The following UNKL variants were observed in gnomAD, a reference collection of about 807,000 sequenced individuals.
UNKL encodes the protein unk like zinc finger.
In UNKL, 60 loss-of-function variants were observed where a neutral mutation model predicts 78.0. The ratio of observed to expected loss-of-function variants is 0.77; its 90% CI spans 0.63 to 0.95. UNKL has a LOEUF of 0.95. Ranked by LOEUF, UNKL falls within the 40% of genes least tolerant of loss-of-function variation. The pLI is 0.00. For synonymous variants in UNKL, 608 were observed against 474.8 expected, an observed-to-expected ratio of 1.28 and a Z score of -3.65; for missense variants, 1,159 against 1,045.7, an observed-to-expected ratio of 1.11 and a Z score of -1.49.
intron 8 of UNKL, 91 bp from the exon 9 acceptor site, chr16:1,390,785 T>C: frequency 7.2e-7 from 1 of 1,392,582 alleles, no homozygotes; most frequent in Middle Eastern, 1.8e-4. Flanking sequence ...GTGGCAGCAC[T>C]TTGGGAGGCT....
Position 1,379,629 on chromosome 16 carries a change from C to A in UNKL, c.1264+5579G>T, listed in dbSNP as rs887229832. 6.1e-6 allele frequency: 6 copies of A among 984,762 alleles called. No homozygotes were observed. The South Asian group carries it at 2.8e-4, about 46-fold the overall frequency. 61.0% of individuals were successfully genotyped at this position (984,762 alleles called of 1,614,324 possible). On this transcript the variant is annotated intron_variant, in intron 10 of 14. Coordinates refer to ENST00000389221, the MANE Select transcript of UNKL (RefSeq NM_001372107.1). ...CACGGCTGCCACGCGCTGGGGCCGC[C>A]GCCAATGCTGACTCACGGTCCGCGG...
chr16:1,388,333 G>T (rs1419920023), intron 9 of UNKL, among the ~76,000 whole-genome samples: 1 of 151,960 alleles, frequency 6.6e-6, no homozygotes, highest in African/African-American at 2.4e-5. Context: ...GGCAGCCTCA[G>T]GCTCCCAAAG....
chr16:1,410,590 T>TA (rs1481819074), intron 2 of UNKL, among the ~76,000 whole-genome samples: 1 of 152,020 alleles, frequency 6.6e-6, no homozygotes, highest in East Asian at 1.9e-4. Context: ...CTGGGTGACA[T>TA]AGAGTGCTGC....
chr16:1,405,843 G>C, intron 2 of UNKL: 1 of 430,890 alleles, frequency 2.3e-6, no homozygotes, highest in Non-Finnish European at 4.7e-6. Flanking sequence ...ACCGAGACCA[G>C]AGGATAGGAG....
At chr16:1,396,232 T>C (rs894345951) in intron 6 of UNKL, among the ~76,000 whole-genome samples, 2 of 151,184 alleles carry the variant, frequency 1.3e-5, no homozygotes, top group Admixed American at 1.3e-4. Context: ...TGAGCCACCG[T>C]GCCTGGCCTG....
Position 1,363,349 on chromosome 16 carries a change from C to T in UNKL, c.*2891G>A, listed in dbSNP as rs2034984965. The T allele has an allele frequency of 4.1e-6, 2 of 483,488 alleles. No individual in the cohort carries two copies. The highest frequency in any genetic ancestry group is 7.6e-6 in the Non-Finnish European group (2 of 264,582). The allele number at this position is 483,488 out of a possible 1,614,324, so 29.9% of individuals were successfully genotyped here. On this transcript the variant is annotated 3_prime_UTR_variant, in exon 15 of 15. Coordinates refer to ENST00000389221, the MANE Select transcript of UNKL (RefSeq NM_001372107.1). ...CGCTACAAGTAAATGATTATAAATACTACCTTCTGGGTTAAGAAAATTCCA... is the reference window on the plus strand; with the variant it reads ...CGCTACAAGTAAATGATTATAAATATTACCTTCTGGGTTAAGAAAATTCCA...
Position 1,371,573 on chromosome 16 carries a change from C to T in UNKL, c.1303G>A (p.Ala435Thr). 6.5e-7 allele frequency: 1 copy of T among 1,536,198 alleles called. No homozygotes were observed. The highest frequency in any genetic ancestry group is 2.4e-5 in the East Asian group (1 of 40,924). Residue 435 changes from alanine to threonine, a missense_variant, in exon 11 of 15, where the codon GCA becomes ACA. Transcript: ENST00000389221. Reference protein sequence around the residue: ...LDLHLSNVNIASLEKDLEEQD... With the variant: ...LDLHLSNVNITSLEKDLEEQD... ...TCTTCCAGGTCCTTCTCTAGGGATG[C>T]AATATTCACATTGCTAAGATGCAGG...
intron 9 of UNKL, among the ~76,000 whole-genome samples, chr16:1,388,654 A>G (rs2036916790): frequency 6.6e-6 from 1 of 152,130 alleles, no homozygotes; most frequent in Admixed American, 6.5e-5. Context: ...CTGGTGTGGG[A>G]GTCCATCCAC....
intron 6 of UNKL, 112 bp from the exon 7 acceptor site, chr16:1,394,327 C>A (rs2037170433): frequency 9.0e-6 from 12 of 1,327,212 alleles, no homozygotes; most frequent in South Asian, 3.8e-5. Context: ...TAACAAGACA[C>A]CCCTGAAAAG....
At chr16:1,372,173 AGAATGGTGT>A (rs2035908285) in intron 10 of UNKL, among the ~76,000 whole-genome samples, 1 of 152,116 alleles carries the variant, frequency 6.6e-6, no homozygotes, top group Non-Finnish European at 1.5e-5. Context: ...CTGAGGCGGA[AGAATGGTGT>A]GAACCCCAGA....
intron 6 of UNKL, chr16:1,396,939 C>T: frequency 1.8e-6 from 1 of 541,008 alleles, no homozygotes; most frequent in Non-Finnish European, 3.3e-6. Flanking sequence ...CCACATGACT[C>T]TTTCTTCTGT....
At position 1,384,025 on chromosome 16, in the gene UNKL, C is replaced by T. The variant is rs2036714169; in HGVS notation, c.1264+1183G>A. On this transcript the variant is annotated intron_variant, in intron 10 of 14. Transcript: ENST00000389221. ...ATCCCATTCCACCCCAGCCCAGGGA[C>T]AGAGAACTTGGAGACCACCACAGGT... The T allele has an allele frequency of 1.6e-5, 3 of 193,480 alleles. No individual in the cohort carries two copies. The South Asian group carries it at 2.4e-4, about 16-fold the overall frequency. 12.0% of individuals were successfully genotyped at this position (193,480 alleles called of 1,614,324 possible). A position where few individuals can be genotyped will look rare whatever the true frequency, so the allele number is the denominator to read the frequency against.
chr16:1,396,862 G>A (rs1033007434), intron 6 of UNKL, among the ~76,000 whole-genome samples: 10 of 152,172 alleles, frequency 6.6e-5, no homozygotes, highest in African/African-American at 1.2e-4. Context: ...GGGATTACAG[G>A]CGTGAGCTAC....
intron 9 of UNKL, among the ~76,000 whole-genome samples, chr16:1,389,229 G>A (rs376819587): frequency 1.1e-4 from 17 of 152,136 alleles, no homozygotes; most frequent in African/African-American, 4.1e-4. Context: ...TTCCTACGTG[G>A]AAGCCTTGAC....
chr16:1,405,241 G>C (rs541588270), intron 2 of UNKL, among the ~76,000 whole-genome samples: 5 of 150,422 alleles, frequency 3.3e-5, no homozygotes, highest in Non-Finnish European at 5.9e-5. Context: ...AGGAAGGAAG[G>C]GAGGGAGGGA....
chr16:1,394,032 G>C, intron 7 of UNKL, 99 bp downstream of exon 7: 1 of 1,275,912 alleles, frequency 7.8e-7, no homozygotes, highest in Non-Finnish European at 1.1e-6. Context: ...CCGCCTTCCA[G>C]GTCCTCGTGG....
In UNKL at chr16:1,387,227, G is replaced by C. The variant is rs912548432; in HGVS notation, c.1087-1842C>G. 1.3e-5 allele frequency among the ~76,000 whole-genome samples: 2 copies of C among 152,122 alleles called. No homozygotes were observed. The highest frequency in any genetic ancestry group is 2.9e-5 in the Non-Finnish European group (2 of 68,016). On this transcript the variant is annotated intron_variant, in intron 9 of 14. Transcript: ENST00000389221. The surrounding 1 kb of genome is among the most constrained non-coding windows in gnomAD (Gnocchi z 4.1). ...ACACTCCCAGCCATGCAACACCGGGGACACTCCCAGCCATGCATGGTGCTG... is the reference window on the plus strand; with the variant it reads ...ACACTCCCAGCCATGCAACACCGGGCACACTCCCAGCCATGCATGGTGCTG...
rs771509230 is a variant in UNKL at position 1,403,185 on chromosome 16, C to G, written c.447G>C (p.Pro149=). The change falls in exon 3 of 15, where the codon CCG becomes CCC. Residue 149 remains proline (P), a synonymous_variant. Transcript: ENST00000389221. This position sits in a 1 kb window ranked among gnomAD's most constrained non-coding sequence, Gnocchi z 4.8. ...AFAHGPLDLR[P]PVCDVRELQA... ...CCACTCACCTGACGTCACACACGGG[C>G]GGCCGCAGGTCCAGGGGGCCGTGCG... is the stretch of plus-strand genomic sequence containing the variant. 1 of 1,612,088 alleles carries G rather than the reference C, an allele frequency of 6.2e-7. No individual in the cohort carries two copies. The highest frequency in any genetic ancestry group is 1.7e-5 in the Admixed American group (1 of 59,864).
intron 11 of UNKL, among the ~76,000 whole-genome samples, chr16:1,371,030 C>T (rs2035781277): frequency 1.4e-5 from 2 of 138,808 alleles, no homozygotes; most frequent in Non-Finnish European, 3.0e-5. Flanking sequence ...TTGCAGTGAG[C>T]GGAGATCGCG....
Sources: gnomAD v4.1 joint callset for allele counts (sites outside exome capture counted in the v4.1 genomes callset) on GRCh38, gnomAD v4.1.1 for gene constraint, Gnocchi (gnomAD v3.1) non-coding constraint, MANE v1.5 for transcripts, NCBI Gene and HGNC (gene_info 2026-07-23, HGNC 2026-07-21) for gene names.